PLD5: variants seen among roughly 807,000 people sequenced by gnomAD.
The protein encoded by PLD5 is phospholipase D family member 5, also known as inactive phospholipase D5.
In PLD5, 36 loss-of-function variants were observed where a neutral mutation model predicts 61.1. The observed-to-expected ratio is 0.59, with a 90% confidence interval of 0.45 to 0.78. The LOEUF (loss-of-function observed/expected upper bound fraction) is 0.78. PLD5 is among the 30% of genes least tolerant of loss of function. The pLI is 0.00. For synonymous variants in PLD5, 243 were observed against 242.8 expected, an observed-to-expected ratio of 1.00 and a Z score of -0.01; for missense variants, 515 against 644.4, an observed-to-expected ratio of 0.80 and a Z score of 2.17.
At chr1:242,219,900 A>C in intron 5 of PLD5, 88 bp downstream of exon 5, 1 of 1,482,426 alleles carries the variant, frequency 6.7e-7, no homozygotes, top group Non-Finnish European at 9.2e-7. Context: ...TGTAGGTTTT[A>C]GGATCCTTAT....
chr1:242,357,200 T>C (rs1161034045), intron 1 of PLD5, among the ~76,000 whole-genome samples: 1 of 152,058 alleles, frequency 6.6e-6, no homozygotes, highest in Non-Finnish European at 1.5e-5. Context: ...AGAGCATTCT[T>C]GGTTGGCAGG....
intron 1 of PLD5, among the ~76,000 whole-genome samples, chr1:242,458,062 G>A (rs1666997271): frequency 6.6e-6 from 1 of 152,082 alleles, no homozygotes; most frequent in Non-Finnish European, 1.5e-5. Context: ...TTCAAACTTG[G>A]GCTGTCACAC....
At chr1:242,526,435 GTTTGT>G (rs1195981489), upstream of PLD5, among the ~76,000 whole-genome samples, 1 of 152,116 alleles carries the variant, frequency 6.6e-6, no homozygotes, top group Non-Finnish European at 1.5e-5. Flanking sequence ...AATTTTGTTT[GTTTGT>G]TTTGTTTTGT....
chr1:242,155,609 C>T (rs1206319359), intron 5 of PLD5, among the ~76,000 whole-genome samples: 2 of 152,010 alleles, frequency 1.3e-5, no homozygotes, highest in Admixed American at 6.6e-5. Flanking sequence ...CATTATTTAC[C>T]CAGTAGTCAC....
At chr1:242,398,446 G>A (rs1226446594) in intron 1 of PLD5, among the ~76,000 whole-genome samples, 1 of 152,128 alleles carries the variant, frequency 6.6e-6, no homozygotes, top group African/African-American at 2.4e-5. Context: ...TCAGCCTATG[G>A]CAAGTAAAAA....
chr1:242,349,027 C>G (rs1247254696), intron 1 of PLD5, among the ~76,000 whole-genome samples: 3 of 152,196 alleles, frequency 2.0e-5, no homozygotes, highest in Admixed American at 2.0e-4. Context: ...GCACTCCAGC[C>G]TGGGTGACAG....
chr1:242,251,681 C>G (rs1266116670), intron 4 of PLD5, among the ~76,000 whole-genome samples: 3 of 151,950 alleles, frequency 2.0e-5, no homozygotes, highest in Non-Finnish European at 2.9e-5. Flanking sequence ...ATGGATAGTG[C>G]CAAGTTCTTT....
intron 2 of PLD5, among the ~76,000 whole-genome samples, chr1:242,292,828 T>C (rs985720450): frequency 3.3e-5 from 5 of 152,226 alleles, no homozygotes; most frequent in Non-Finnish European, 7.4e-5. Context: ...TGTGAATATG[T>C]ACTGCAGGAT....
intron 1 of PLD5, among the ~76,000 whole-genome samples, chr1:242,510,253 C>T (rs1189190202): frequency 1.3e-5 from 2 of 151,964 alleles, no homozygotes. Flanking sequence ...GAAAATAATG[C>T]CAAATGGGGA....
rs368132707 is a variant in PLD5 at position 242,104,297 on chromosome 1, C to CTTTTT, written c.1239+3369_1239+3373dup. Among the ~76,000 whole-genome samples, 63 of 129,550 alleles carry CTTTTT rather than the reference C, an allele frequency of 4.9e-4. No homozygotes were observed. The South Asian group carries it at 0.014, about 29-fold the overall frequency. 85.0% of individuals were successfully genotyped at this position (129,550 alleles called of 152,430 possible). Reference sequence around the variant, plus strand: ...CACCACCACACCTGGCTAGTTTTTGCTTTTTTTTTTTTTTTTTGTAGAAAT... The same window carrying CTTTTT: ...CACCACCACACCTGGCTAGTTTTTGCTTTTTTTTTTTTTTTTTTTTTTGTAGAAAT... On this transcript the variant is annotated intron_variant, in intron 8 of 9. Coordinates refer to ENST00000536534, the MANE Select transcript of PLD5 (RefSeq NM_001372062.1).
intron 5 of PLD5, among the ~76,000 whole-genome samples, chr1:242,184,607 G>T (rs904934888): frequency 4.6e-5 from 7 of 152,122 alleles, no homozygotes; most frequent in Non-Finnish European, 4.4e-5. Flanking sequence ...GTCCTCAAGT[G>T]ATCCACCCAC....
chr1:242,193,986 G>C (rs1003279671), intron 5 of PLD5, among the ~76,000 whole-genome samples: 3 of 152,112 alleles, frequency 2.0e-5, no homozygotes, highest in Non-Finnish European at 4.4e-5. Context: ...GAGCTACTTA[G>C]AAAAAACAAA....
chr1:242,090,766 A>T (rs1659761751), intron 9 of PLD5, among the ~76,000 whole-genome samples: 1 of 152,200 alleles, frequency 6.6e-6, no homozygotes, highest in Non-Finnish European at 1.5e-5. Flanking sequence ...AAACTACAGA[A>T]ATGTATTGTC....
chr1:242,310,658 A>T (rs1274074882), intron 2 of PLD5, among the ~76,000 whole-genome samples: 2 of 152,196 alleles, frequency 1.3e-5, no homozygotes, highest in African/African-American at 2.4e-5. Flanking sequence ...CTTTTGCTCC[A>T]ACCTGATAAT....
At chr1:242,190,769 A>T (rs1668222791) in intron 5 of PLD5, among the ~76,000 whole-genome samples, 1 of 152,100 alleles carries the variant, frequency 6.6e-6, no homozygotes, top group African/African-American at 2.4e-5. Context: ...CCCATACAAG[A>T]TGGCTATGTC....
At chr1:242,370,332 A>G (rs1661562231) in intron 1 of PLD5, among the ~76,000 whole-genome samples, 1 of 152,190 alleles carries the variant, frequency 6.6e-6, no homozygotes, top group Admixed American at 6.5e-5. Flanking sequence ...ACTTGTTATG[A>G]TGCACTGCGC....
chr1:242,214,871 CT>C (rs71570942), intron 5 of PLD5, among the ~76,000 whole-genome samples: 2,587 of 92,276 alleles, frequency 0.028, 30 homozygotes, highest in African/African-American at 0.11. Context: ...CATTAAACAC[CT>C]TTTTTTTTTT....
intron 1 of PLD5, among the ~76,000 whole-genome samples, chr1:242,506,723 C>CA (rs1668733886): frequency 1.3e-5 from 2 of 152,272 alleles, no homozygotes; most frequent in Admixed American, 1.3e-4. Flanking sequence ...TCGCTGGAAA[C>CA]ATAAGCAGAG....
chr1:242,297,272 A>C (rs1233213075), intron 2 of PLD5, among the ~76,000 whole-genome samples: 1 of 142,466 alleles, frequency 7.0e-6, no homozygotes, highest in Non-Finnish European at 1.5e-5. Context: ...TGAACTCTGA[A>C]GGCCGAGGTT....
Sources: gnomAD v4.1 joint callset for allele counts (sites outside exome capture counted in the v4.1 genomes callset) on GRCh38, gnomAD v4.1.1 for gene constraint, MANE v1.5 for transcripts, NCBI Gene and HGNC (gene_info 2026-07-23, HGNC 2026-07-21) for gene names.